The following DAPK2 variants were observed in gnomAD, a reference collection of about 807,000 sequenced individuals.
DAPK2 encodes the protein death associated protein kinase 2, also known as death-associated protein kinase 2.
In DAPK2, 35 loss-of-function variants were observed where a neutral mutation model predicts 44.1. The observed-to-expected ratio is 0.79, with a 90% CI of 0.61 to 1.05. The LOEUF (loss-of-function observed/expected upper bound fraction) is 1.05, where lower values mean the gene tolerates loss of function less well. Among genes scored for constraint, DAPK2 ranks in the 50% least tolerant of loss-of-function variants. DAPK2 has a pLI of 0.00. For synonymous variants in DAPK2, 174 were observed against 182.6 expected (o/e 0.95, Z 0.38); for missense variants, 453 against 483.2 (o/e 0.94, Z 0.59).
chr15:64,035,584 C>T (rs987918822), intron 1 of DAPK2, among the ~76,000 whole-genome samples: 12 of 152,240 alleles, frequency 7.9e-5, no homozygotes. Context: ...CACCTCTTCT[C>T]CTCTCTGGCC....
chr15:64,004,415 C>A (rs1424663943), intron 1 of DAPK2, among the ~76,000 whole-genome samples: 1 of 152,134 alleles, frequency 6.6e-6, no homozygotes, highest in Non-Finnish European at 1.5e-5. Context: ...ATGATCAATG[C>A]CTAGATCCAT....
chr15:63,954,151 T>C (rs1375191114), intron 3 of DAPK2, among the ~76,000 whole-genome samples: 1 of 152,242 alleles, frequency 6.6e-6, no homozygotes, highest in Non-Finnish European at 1.5e-5. Flanking sequence ...AGAAGCTTTT[T>C]AACTTGATGT....
chr15:63,918,032 G>A (rs2078973986), intron 8 of DAPK2: 1 of 152,170 alleles, frequency 6.6e-6, no homozygotes, highest in African/African-American at 2.4e-5. Context: ...CAACGGGACT[G>A]GACCCTTTTG....
At chr15:63,963,773 A>G (rs1264007494) in intron 3 of DAPK2, among the ~76,000 whole-genome samples, 3 of 152,178 alleles carry the variant, frequency 2.0e-5, no homozygotes, top group Admixed American at 1.3e-4. Flanking sequence ...CATATAATTC[A>G]TTATTTTAAA....
At position 63,929,715 on chromosome 15, in the gene DAPK2, C is replaced by T. The variant is rs2079462825; in HGVS notation, c.633-138G>A. The T allele has an allele frequency of 3.1e-6, 3 of 963,166 alleles. No homozygotes were observed. In the South Asian group the frequency reaches 4.1e-5, roughly 13 times the overall value. 59.7% of individuals were successfully genotyped at this position (963,166 alleles called of 1,614,324 possible). A position where few individuals can be genotyped will look rare whatever the true frequency, so the allele number is the denominator to read the frequency against. ...CCTGGATGCCGTCTCATGCTCCACA[C>T]CCATCTCCATCCTGCTCTTCAGCAG... is the stretch of plus-strand genomic sequence containing the variant. On this transcript the variant is annotated intron_variant, in intron 5 of 10. Transcript: ENST00000261891.
chr15:63,961,033 G>C (rs1297882847), intron 3 of DAPK2, among the ~76,000 whole-genome samples: 2 of 152,182 alleles, frequency 1.3e-5, no homozygotes, highest in Non-Finnish European at 2.9e-5. Flanking sequence ...GGGTGCTCCT[G>C]TATTGGTTGC....
At position 63,924,766 on chromosome 15, in the gene DAPK2, C is replaced by A. The variant is rs59442217; in HGVS notation, c.858+50G>T. On this transcript the variant is annotated intron_variant, in intron 8 of 10. Coordinates refer to ENST00000261891, the Ensembl canonical transcript of DAPK2. ...ATCTGGCTGCCCAGGCCAACCCTGG[C>A]GACAGAGCAGGGACCCTTTGCCCAT... is the stretch of plus-strand genomic sequence containing the variant. The A allele has an allele frequency of 5.6e-6, 9 of 1,606,572 alleles. No homozygotes were observed. In the Admixed American group the frequency reaches 1.2e-4, roughly 21 times the overall value.
chr15:63,994,531 T>C (rs75562796), intron 1 of DAPK2, among the ~76,000 whole-genome samples: 12,229 of 151,774 alleles, frequency 0.081, 746 homozygotes, highest in South Asian at 0.31. Context: ...ACCATCGTTA[T>C]CATCTTGGTG....
chr15:64,005,319 A>G (rs978893417), intron 1 of DAPK2, among the ~76,000 whole-genome samples: 1 of 151,510 alleles, frequency 6.6e-6, no homozygotes, highest in African/African-American at 2.4e-5. Context: ...ATTCACTTTC[A>G]GGCTCTGTGT....
At chr15:63,991,805 C>A (rs541686744) in intron 1 of DAPK2, among the ~76,000 whole-genome samples, 40 of 152,226 alleles carry the variant, frequency 2.6e-4, no homozygotes, top group Admixed American at 5.2e-4. Context: ...TCACTCCAAC[C>A]AAGCCGAACT....
At chr15:64,023,505 G>C (rs2079750389) in intron 1 of DAPK2, among the ~76,000 whole-genome samples, 1 of 152,186 alleles carries the variant, frequency 6.6e-6, no homozygotes, top group Non-Finnish European at 1.5e-5. Context: ...TGGGACAGAG[G>C]ATAATAAACC....
chr15:63,976,621 G>A (rs566519483), intron 2 of DAPK2, among the ~76,000 whole-genome samples: 68 of 152,176 alleles, frequency 4.5e-4, no homozygotes, highest in African/African-American at 1.6e-3. Context: ...AGGAGGTTGA[G>A]AGGATCACCT....
intron 1 of DAPK2, among the ~76,000 whole-genome samples, chr15:63,995,650 C>A (rs1473901424): frequency 6.6e-6 from 1 of 152,208 alleles, no homozygotes; most frequent in Non-Finnish European, 1.5e-5. Flanking sequence ...CTGCACGACC[C>A]AGGGGACCCA....
intron 1 of DAPK2, among the ~76,000 whole-genome samples, chr15:64,021,535 G>A (rs766724034): frequency 2.0e-5 from 3 of 152,184 alleles, no homozygotes; most frequent in Non-Finnish European, 4.4e-5. Flanking sequence ...TGTGCTCGTT[G>A]AGTGCCTACT....
At chr15:63,920,116 TCTTA>T in intron 8 of DAPK2, 1 of 152,340 alleles carries the variant, frequency 6.6e-6, no homozygotes, top group Middle Eastern at 3.4e-3. Context: ...GGTATCATAT[TCTTA>T]CTGTTGGCCC....
chr15:63,924,728 A>G, intron 8 of DAPK2, 88 bp downstream of exon 9: 2 of 1,459,442 alleles, frequency 1.4e-6, no homozygotes, highest in East Asian at 2.3e-5. Flanking sequence ...AGGCCTCTCC[A>G]TGGGCCCTCT....
At chr15:63,929,407 C>T (rs569313275) in intron 6 of DAPK2, 144 bp downstream of exon 7, 1 of 1,036,452 alleles carries the variant, frequency 9.6e-7, no homozygotes, top group East Asian at 2.5e-5. Context: ...CAGCACTTAG[C>T]CTCAGGCTTG....
intron 3 of DAPK2, among the ~76,000 whole-genome samples, chr15:63,961,572 TA>T (rs1449393106): frequency 6.6e-6 from 1 of 152,220 alleles, no homozygotes; most frequent in Non-Finnish European, 1.5e-5. Context: ...TGTTTGTCTG[TA>T]AAGGATTTTA....
intron 3 of DAPK2, among the ~76,000 whole-genome samples, chr15:63,964,642 T>A (rs2078002190): frequency 6.6e-6 from 1 of 152,084 alleles, no homozygotes; most frequent in African/African-American, 2.4e-5. Context: ...TTCTTTTTTT[T>A]TCTTTTGTCT....
Sources: gnomAD v4.1 joint callset for allele counts (sites outside exome capture counted in the v4.1 genomes callset) on GRCh38, gnomAD v4.1.1 for gene constraint, MANE v1.5 for transcripts, NCBI Gene and HGNC (gene_info 2026-07-23, HGNC 2026-07-21) for gene names.